MGAT5: variants seen among roughly 807,000 people sequenced by gnomAD.
MGAT5 encodes alpha-1,6-mannosylglycoprotein 6-beta-N-acetylglucosaminyltransferase A.
MGAT5 carries 30 observed loss-of-function variants against 94.3 expected under a neutral mutation model. The ratio of observed to expected loss-of-function variants is 0.32; its 90% CI spans 0.24 to 0.43. The LOEUF (loss-of-function observed/expected upper bound fraction) is 0.43, where lower values mean the gene tolerates loss of function less well. Ranked by LOEUF, MGAT5 falls within the 20% of genes least tolerant of loss-of-function variation. The pLI, the probability that MGAT5 is intolerant of heterozygous loss-of-function variation, is 1.00. For missense variants in MGAT5, 691 were observed against 905.5 expected, an observed-to-expected ratio of 0.76 and a Z score of 3.04; for synonymous variants, 310 against 322.9, an observed-to-expected ratio of 0.96 and a Z score of 0.43.
chr2:134,449,706 A>T lies in MGAT5; in HGVS notation c.*859A>T, dbSNP rs1425965790. 1 of 152,178 alleles carries T rather than the reference A, an allele frequency of 6.6e-6. No individual in the cohort carries two copies. Among genetic ancestry groups the T allele is most frequent in the African/African-American group, 2.4e-5 (1 of 41,432 alleles). 9.4% of individuals were successfully genotyped at this position (152,178 alleles called of 1,614,324 possible). ...GGATTTTGGAGTTTCTGGTAAACTCACCCTCCCTCCAGCCCCGCTATGAGG... is the reference window on the plus strand; with the variant it reads ...GGATTTTGGAGTTTCTGGTAAACTCTCCCTCCCTCCAGCCCCGCTATGAGG... On this transcript the variant is annotated 3_prime_UTR_variant, in exon 16 of 16. Coordinates refer to ENST00000281923, the MANE Select transcript of MGAT5 (RefSeq NM_002410.5).
In MGAT5 at chr2:134,139,141, A is replaced by G. The variant is rs181359887; in HGVS notation, c.-143+18850A>G. Among the ~76,000 whole-genome samples, 158 of 152,342 alleles carry G rather than the reference A, an allele frequency of 1.0e-3. 3 individuals carry two copies. The highest frequency in any genetic ancestry group is 1.2e-4 in the Non-Finnish European group (8 of 68,026). ...GTCTACTAGAGATCTTCTTTCATGTAAAAACATGGAAAGGGTTTTGTTGGA... is the reference window on the plus strand; with the variant it reads ...GTCTACTAGAGATCTTCTTTCATGTGAAAACATGGAAAGGGTTTTGTTGGA... On this transcript the variant is annotated intron_variant, in intron 1 of 16. Transcript: ENST00000409645.
intron 1 of MGAT5, among the ~76,000 whole-genome samples, chr2:134,139,199 C>T (rs1686553028): frequency 6.6e-6 from 1 of 152,128 alleles, no homozygotes; most frequent in Non-Finnish European, 1.5e-5. Context: ...AAATGGTTTT[C>T]CATTGTTTGT....
chr2:134,406,659 C>A (rs971400219), intron 11 of MGAT5, among the ~76,000 whole-genome samples: 7 of 150,822 alleles, frequency 4.6e-5, no homozygotes, highest in Admixed American at 1.3e-4. Flanking sequence ...CTGAGTCGGG[C>A]AAATTGCTTG....
chr2:134,145,946 C>G (rs1412454931), intron 1 of MGAT5, among the ~76,000 whole-genome samples: 1 of 152,188 alleles, frequency 6.6e-6, no homozygotes, highest in Non-Finnish European at 1.5e-5. Flanking sequence ...ACAAAATGTG[C>G]ATTGCTGAGA....
intron 14 of MGAT5, among the ~76,000 whole-genome samples, chr2:134,440,286 A>G (rs1014915492): frequency 7.2e-5 from 11 of 152,226 alleles, no homozygotes; most frequent in African/African-American, 2.7e-4. Context: ...GTTGTACAGA[A>G]GATCCTCAAA....
intron 2 of MGAT5, among the ~76,000 whole-genome samples, chr2:134,282,327 T>G (rs2105724576): frequency 6.6e-6 from 1 of 152,294 alleles, no homozygotes; most frequent in South Asian, 2.1e-4. Context: ...ACCTGGGGAT[T>G]AATTTAGCAT....
chr2:134,213,144 T>C (rs1680288601), intron 1 of MGAT5, among the ~76,000 whole-genome samples: 1 of 152,206 alleles, frequency 6.6e-6, no homozygotes. Flanking sequence ...CTTCATTTTC[T>C]TAGAGGAAAG....
chr2:134,224,227 A>C (rs181255708), intron 1 of MGAT5, among the ~76,000 whole-genome samples: 2 of 152,290 alleles, frequency 1.3e-5, no homozygotes, highest in East Asian at 3.9e-4. Flanking sequence ...TATGGGTCCT[A>C]TTAGCAGGCG....
At chr2:134,188,956 AAGTGAAGGTC>A (rs1472374068) in intron 1 of MGAT5, among the ~76,000 whole-genome samples, 1 of 152,220 alleles carries the variant, frequency 6.6e-6, no homozygotes, top group African/African-American at 2.4e-5. Context: ...TAAAGGGTCT[AAGTGAAGGTC>A]AGTCAAATGA....
chr2:134,189,607 T>TGTTTTTTTTTTTTTG (rs1553490422), intron 1 of MGAT5, among the ~76,000 whole-genome samples: 2 of 80,618 alleles, frequency 2.5e-5, no homozygotes, highest in Non-Finnish European at 2.3e-5. Context: ...TTTTTGTTTT[T>TGTTTTTTTTTTTTTG]TTTTTTTTTT....
At chr2:134,132,707 G>A (rs916259514) in intron 1 of MGAT5, among the ~76,000 whole-genome samples, 2 of 152,188 alleles carry the variant, frequency 1.3e-5, no homozygotes, top group African/African-American at 4.8e-5. Context: ...TCTGACCTTT[G>A]CACTGAATGG....
In MGAT5 at chr2:134,260,703, T is replaced by TTTTC. The variant is rs201269121; in HGVS notation, c.241+6062_241+6063insCTTT. ...AGGAATGGTTTCTTTTTTCTTTTTC[T>TTTTC]TTTTTTTTTTTTTTTGAGGGCTGGG... On this transcript the variant is annotated intron_variant, in intron 1 of 15. Transcript: ENST00000281923. Among the ~76,000 whole-genome samples the TTTTC allele has an allele frequency of 4.8e-4, 55 of 114,796 alleles. 1 individual carries two copies. The South Asian group carries it at 0.01, about 21-fold the overall frequency. 75.3% of individuals were successfully genotyped at this position (114,796 alleles called of 152,430 possible).
chr2:134,372,569 T>G (rs1203072947), intron 10 of MGAT5, among the ~76,000 whole-genome samples: 1 of 152,228 alleles, frequency 6.6e-6, no homozygotes, highest in Non-Finnish European at 1.5e-5. Context: ...TAAGTCATAC[T>G]CTTCTCAGTG....
chr2:134,213,127 C>T, intron 1 of MGAT5, among the ~76,000 whole-genome samples: 1 of 152,138 alleles, frequency 6.6e-6, no homozygotes, highest in East Asian at 1.9e-4. Context: ...ACTTTGCATG[C>T]CCCTCACTTC....
intron 2 of MGAT5, among the ~76,000 whole-genome samples, chr2:134,313,094 A>G (rs1425475559): frequency 9.4e-6 from 1 of 106,216 alleles, no homozygotes; most frequent in Non-Finnish European, 1.9e-5. Flanking sequence ...ACACACACAT[A>G]TCTGTCTGGT....
chr2:134,294,016 T>C (rs1573725227), intron 2 of MGAT5, among the ~76,000 whole-genome samples: 1 of 152,210 alleles, frequency 6.6e-6, no homozygotes, highest in East Asian at 1.9e-4. Context: ...GTAGTTGTTT[T>C]AGGTGGATCT....
intron 1 of MGAT5, among the ~76,000 whole-genome samples, chr2:134,244,212 T>C (rs1682114463): frequency 6.6e-6 from 1 of 152,232 alleles, no homozygotes; most frequent in African/African-American, 2.4e-5. Context: ...CAGATGATTC[T>C]TTCTTTCTTC....
intron 5 of MGAT5, 71 bp from the exon 6 acceptor site, chr2:134,338,188 T>C: frequency 7.7e-7 from 1 of 1,298,890 alleles, no homozygotes; most frequent in East Asian, 2.5e-5. Context: ...TTTTCAGATG[T>C]CACATCATGA....
chr2:134,296,932 C>T (rs1685708724), intron 2 of MGAT5, among the ~76,000 whole-genome samples: 1 of 152,074 alleles, frequency 6.6e-6, no homozygotes, highest in Non-Finnish European at 1.5e-5. Flanking sequence ...GGTGGAGTGG[C>T]TCATACCTGT....
Sources: gnomAD v4.1 joint callset for allele counts (sites outside exome capture counted in the v4.1 genomes callset) on GRCh38, gnomAD v4.1.1 for gene constraint, MANE v1.5 for transcripts, NCBI Gene and HGNC (gene_info 2026-07-23, HGNC 2026-07-21) for gene names.